Variants in GRID2 observed in about 807,000 individuals in gnomAD.
GRID2 encodes glutamate ionotropic receptor delta type subunit 2.
GRID2 carries 33 observed loss-of-function variants against 114.8 expected under a neutral mutation model. That is an observed-to-expected ratio of 0.29 (90% confidence interval 0.22 to 0.38). GRID2 has a LOEUF of 0.38. Among genes scored for constraint, GRID2 ranks in the 10% least tolerant of loss-of-function variants. The pLI, the probability that GRID2 is intolerant of heterozygous loss-of-function variation, is 1.00. For missense variants in GRID2, 1,184 were observed against 1,257.7 expected (o/e 0.94, Z 0.89); for synonymous variants, 505 against 449.9 (o/e 1.12, Z -1.55).
chr4:92,424,626 C>A (rs1391231568), intron 1 of GRID2, among the ~76,000 whole-genome samples: 1 of 151,136 alleles, frequency 6.6e-6, no homozygotes, highest in Non-Finnish European at 1.5e-5. Context: ...TTTACAAAAC[C>A]CTCAGTGTAA....
chr4:93,320,779 T>C (rs1027875657), intron 8 of GRID2, among the ~76,000 whole-genome samples: 3 of 152,124 alleles, frequency 2.0e-5, no homozygotes, highest in Non-Finnish European at 2.9e-5. Context: ...ACATGATTCC[T>C]ATTGTAATGG....
Position 93,771,820 on chromosome 4 carries a change from G to C in GRID2, c.2602-256G>C, listed in dbSNP as rs75638946. Reference sequence around the variant, plus strand: ...ACCCATCAACTGCTTACATATCTTTGTAGTTGCATGTGGCATATGATCACT... The same window carrying C: ...ACCCATCAACTGCTTACATATCTTTCTAGTTGCATGTGGCATATGATCACT... On this transcript the variant is annotated intron_variant, in intron 15 of 15. Coordinates refer to ENST00000282020, the MANE Select transcript of GRID2 (RefSeq NM_001510.4). Among the ~76,000 whole-genome samples the C allele has an allele frequency of 6.2e-3, 941 of 152,202 alleles. 7 individuals carry two copies. The highest frequency in any genetic ancestry group is 0.022 in the African/African-American group (913 of 41,528).
At chr4:93,661,073 C>T (rs1723449354) in intron 14 of GRID2, among the ~76,000 whole-genome samples, 1 of 152,120 alleles carries the variant, frequency 6.6e-6, no homozygotes, top group African/African-American at 2.4e-5. Flanking sequence ...GAAAGTTGTC[C>T]CCAGATATGC....
intron 3 of GRID2, among the ~76,000 whole-genome samples, chr4:93,091,171 T>A (rs764179915): frequency 6.6e-6 from 1 of 152,142 alleles, no homozygotes; most frequent in Non-Finnish European, 1.5e-5. Context: ...TATCTAGCCC[T>A]TTAAGGATTG....
intron 2 of GRID2, among the ~76,000 whole-genome samples, chr4:92,934,152 T>C (rs1013540804): frequency 5.9e-5 from 9 of 151,904 alleles, no homozygotes; most frequent in Non-Finnish European, 2.9e-5. Flanking sequence ...ATATTGATTC[T>C]TCCTACCCAT....
At chr4:93,224,160 C>G (rs1273469400) in intron 6 of GRID2, among the ~76,000 whole-genome samples, 2 of 152,042 alleles carry the variant, frequency 1.3e-5, no homozygotes, top group East Asian at 1.9e-4. Context: ...TTTTTAGGTA[C>G]CTATGACATT....
chr4:93,036,962 A>T (rs1724988173), intron 2 of GRID2, among the ~76,000 whole-genome samples: 1 of 152,196 alleles, frequency 6.6e-6, no homozygotes, highest in African/African-American at 2.4e-5. Context: ...TCACGTTAGG[A>T]AAGGTACAAA....
intron 1 of GRID2, among the ~76,000 whole-genome samples, chr4:92,557,964 T>C (rs1462847189): frequency 1.3e-5 from 2 of 152,130 alleles, no homozygotes; most frequent in Non-Finnish European, 2.9e-5. Context: ...TTTAGTTTTA[T>C]TTACTTGGTC....
At chr4:92,738,660 T>C (rs1341902351) in intron 2 of GRID2, among the ~76,000 whole-genome samples, 2 of 152,116 alleles carry the variant, frequency 1.3e-5, no homozygotes, top group Admixed American at 6.6e-5. Context: ...CTTTTTATTT[T>C]TTATTTTTAG....
chr4:92,860,889 T>A (rs1449737792), intron 2 of GRID2, among the ~76,000 whole-genome samples: 1 of 152,080 alleles, frequency 6.6e-6, no homozygotes, highest in Non-Finnish European at 1.5e-5. Flanking sequence ...ATGTGCTAAG[T>A]ACACTAACTT....
intron 8 of GRID2, among the ~76,000 whole-genome samples, chr4:93,283,134 C>T (rs1436586727): frequency 1.3e-5 from 2 of 152,044 alleles, no homozygotes; most frequent in East Asian, 1.9e-4. Flanking sequence ...CTTGGGCAAC[C>T]TCTTAGGTCC....
intron 1 of GRID2, among the ~76,000 whole-genome samples, chr4:93,797,022 G>A (rs2110363305): frequency 6.6e-6 from 1 of 152,298 alleles, no homozygotes; most frequent in African/African-American, 2.4e-5. Flanking sequence ...ACACACCTAC[G>A]ATGTGAGGTA....
chr4:93,161,381 A>G (rs891814438), intron 4 of GRID2, among the ~76,000 whole-genome samples: 2 of 151,792 alleles, frequency 1.3e-5, no homozygotes, highest in Admixed American at 6.6e-5. Flanking sequence ...CACATTCTTC[A>G]TTATTACTGG....
intron 2 of GRID2, among the ~76,000 whole-genome samples, chr4:92,955,620 A>C (rs1438153274): frequency 3.9e-5 from 6 of 152,010 alleles, no homozygotes; most frequent in South Asian, 2.1e-4. Flanking sequence ...CTTTAGTTTA[A>C]TTAGACCCCA....
rs184853951 is a variant in GRID2, at chr4:93,020,069, G to A, written c.245-64926G>A. On this transcript the variant is annotated intron_variant, in intron 2 of 15. Coordinates refer to ENST00000282020, the MANE Select transcript of GRID2 (RefSeq NM_001510.4). ...TGCCACAGTTCACAATTTATAAAAC[G>A]GGAATGAAAATAGCACTTACTTTGT... is the stretch of plus-strand genomic sequence containing the variant. Among the ~76,000 whole-genome samples the A allele has an allele frequency of 4.5e-3, 688 of 152,126 alleles. 7 individuals carry two copies. The highest frequency in any genetic ancestry group is 0.016 in the African/African-American group (662 of 41,504).
chr4:92,453,466 A>G (rs754696869), intron 1 of GRID2, among the ~76,000 whole-genome samples: 6 of 152,190 alleles, frequency 3.9e-5, no homozygotes, highest in Non-Finnish European at 8.8e-5. Context: ...ATGTATTCAT[A>G]TACATATATG....
intron 2 of GRID2, among the ~76,000 whole-genome samples, chr4:92,766,013 G>A (rs965797920): frequency 6.7e-6 from 1 of 149,002 alleles, no homozygotes; most frequent in African/African-American, 2.5e-5. Flanking sequence ...TAAGTGATCC[G>A]ATTTGCATAC....
intron 2 of GRID2, among the ~76,000 whole-genome samples, chr4:92,729,243 T>C (rs190621041): frequency 2.3e-3 from 350 of 152,210 alleles, no homozygotes; most frequent in Middle Eastern, 0.017. Context: ...GGCTTCACCA[T>C]GCACTTGGAC....
At chr4:93,110,175 A>G (rs1732632755) in intron 3 of GRID2, among the ~76,000 whole-genome samples, 1 of 152,208 alleles carries the variant, frequency 6.6e-6, no homozygotes, top group Non-Finnish European at 1.5e-5. Flanking sequence ...CTAAGGAGGT[A>G]ATACTAATTA....
Sources: allele counts gnomAD v4.1 joint callset (sites outside exome capture counted in the v4.1 genomes callset), GRCh38; gene constraint gnomAD v4.1.1; transcripts MANE v1.5; gene names NCBI Gene and HGNC (gene_info 2026-07-23, HGNC 2026-07-21).